The following DGUOK variants were observed in gnomAD, a reference collection of about 807,000 sequenced individuals.
DGUOK encodes deoxyguanosine kinase.
In DGUOK, 30 loss-of-function variants were observed where a neutral mutation model predicts 36.6. The ratio of observed to expected loss-of-function variants is 0.82; its 90% CI spans 0.61 to 1.11. DGUOK has a LOEUF of 1.11. Ranked by LOEUF, DGUOK falls within the 50% of genes most tolerant of loss-of-function variation. DGUOK has a pLI of 0.00. For synonymous variants in DGUOK, 145 were observed against 126.3 expected (o/e 1.15, Z -0.99); for missense variants, 361 against 336.4 (o/e 1.07, Z -0.57).
In DGUOK at chr2:73,926,914, G is replaced by C; in HGVS notation, c.4G>C (p.Ala2Pro). The C allele has an allele frequency of 8.1e-6, 13 of 1,613,384 alleles. No individual in the cohort carries two copies. Among genetic ancestry groups the C allele is most frequent in the Non-Finnish European group, 1.1e-5 (13 of 1,180,012 alleles). ...CGCTGTGTGAATCGTGGGTGGGATG[G>C]CCGCGGGCCGCCTCTTTCTAAGTCG... is the stretch of plus-strand genomic sequence containing the variant. M[A>P]AGRLFLSRLR... Residue 2 changes from alanine (A) to proline (P), a missense_variant, in exon 1 of 7, where the codon GCC (alanine) becomes CCC (proline). Physicochemically the swap from Ala to Pro is conservative, Grantham distance 27 (BLOSUM62 -1). Coordinates refer to ENST00000264093, the MANE Select transcript of DGUOK (RefSeq NM_080916.3).
intron 1 of DGUOK, among the ~76,000 whole-genome samples, chr2:73,933,297 G>A (rs1207446282): frequency 6.6e-6 from 1 of 152,182 alleles, no homozygotes; most frequent in East Asian, 1.9e-4. Flanking sequence ...CTCCATCACT[G>A]TTCTCATACT....
chr2:73,939,029 T>G lies in DGUOK; in HGVS notation c.255+7T>G. The stretch of plus-strand genomic sequence containing the variant: ...GGCTGCTGGCACCCAAAAAGTAAGT[T>G]TTTAGTTGTGGTGGGTAGTTGGCAG... On this transcript the variant is annotated splice_region_variant and intron_variant, in intron 2 of 6. Coordinates refer to ENST00000264093, the MANE Select transcript of DGUOK (RefSeq NM_080916.3). The G allele has an allele frequency of 6.2e-7, 1 of 1,601,996 alleles. No homozygotes were observed. The highest frequency in any genetic ancestry group is 8.6e-7 in the Non-Finnish European group (1 of 1,169,094).
At position 73,958,000 on chromosome 2, in the gene DGUOK, T is replaced by C. The variant is rs564135498; in HGVS notation, c.708-146T>C. 194 of 653,832 alleles carry C rather than the reference T, an allele frequency of 3.0e-4. No individual in the cohort carries two copies. In the African/African-American group the frequency reaches 3.2e-3, roughly 11 times the overall value. 40.5% of individuals were successfully genotyped at this position (653,832 alleles called of 1,614,324 possible). A position where few individuals can be genotyped will look rare whatever the true frequency, so the allele number is the denominator to read the frequency against. On this transcript the variant is annotated intron_variant, in intron 5 of 6. Coordinates refer to ENST00000264093, the MANE Select transcript of DGUOK (RefSeq NM_080916.3). ...TCCGGCCAACTTTATTGAATTTGTT[T>C]TTTTAAATGCAGTTTACATGCAGTT...
intron 2 of DGUOK, among the ~76,000 whole-genome samples, chr2:73,943,323 A>ATT (rs11306613): frequency 9.8e-5 from 14 of 142,720 alleles, no homozygotes; most frequent in Middle Eastern, 3.5e-3. Context: ...CTACTTAAAA[A>ATT]TTTTTTTTTT....
chr2:73,958,820 C>T lies in DGUOK; in HGVS notation c.*84C>T. On this transcript the variant is annotated 3_prime_UTR_variant, in exon 7 of 7. Transcript: ENST00000264093. ...ATGTTGTGTCTCCCAACCACCTTTC[C>T]ATCCCCAGCCCCTCTCATCCCTGGA... 3 of 1,158,278 alleles carry T rather than the reference C, an allele frequency of 2.6e-6. No individual in the cohort carries two copies. The highest frequency in any genetic ancestry group is 3.9e-6 in the Non-Finnish European group (3 of 763,596). The allele number at this position is 1,158,278 out of a possible 1,614,324, so 71.8% of individuals were successfully genotyped here.
intron 6 of DGUOK, 82 bp from the exon 7 acceptor site, chr2:73,958,628 G>C (rs769186048): frequency 3.4e-6 from 4 of 1,191,120 alleles, no homozygotes; most frequent in East Asian, 2.3e-5. Flanking sequence ...TCATGGGCTT[G>C]GCTGCATATG....
At chr2:73,936,376 T>C (rs1009432443) in intron 1 of DGUOK, among the ~76,000 whole-genome samples, 1 of 151,936 alleles carries the variant, frequency 6.6e-6, no homozygotes. Flanking sequence ...TTCATTGGAG[T>C]GTGGGAAGAG....
intron 1 of DGUOK, 36 bp downstream of exon 1, chr2:73,927,088 C>G (rs1312810931): frequency 6.2e-7 from 1 of 1,603,296 alleles, no homozygotes; most frequent in African/African-American, 1.3e-5. Flanking sequence ...GCCTTGGCCT[C>G]CGCCACGCAG....
At chr2:73,932,695 G>C (rs1681145172) in intron 1 of DGUOK, 3 of 1,262,300 alleles carry the variant, frequency 2.4e-6, no homozygotes, top group African/African-American at 1.5e-5. Flanking sequence ...TATGTTTAGA[G>C]GGCTTTTCTT....
In DGUOK at chr2:73,958,702, TCCCACAGGTAAACA is replaced by T; in HGVS notation, c.808-5_816del. The T allele has an allele frequency of 6.2e-7, 1 of 1,610,346 alleles. No homozygotes were observed. Among genetic ancestry groups the T allele is most frequent in the South Asian group, 1.1e-5 (1 of 90,982 alleles). ...GAAATTAAACTTCTGATTTTCTCCT[TCCCACAGGTAAACA>T]CCTTTGTAAAGAATCTGTAACCAAT... On this transcript the variant is annotated splice_acceptor_variant and splice_polypyrimidine_tract_variant and coding_sequence_variant and intron_variant, in exon 7 of 7. Coordinates refer to ENST00000264093, the MANE Select transcript of DGUOK (RefSeq NM_080916.3). LOFTEE classifies it high-confidence loss of function.
chr2:73,931,446 T>C (rs184260095), intron 1 of DGUOK, among the ~76,000 whole-genome samples: 247 of 152,236 alleles, frequency 1.6e-3, no homozygotes, highest in African/African-American at 5.8e-3. Context: ...AGCTAACACA[T>C]GCAGTTTTAA....
At position 73,933,349 on chromosome 2, in the gene DGUOK, C is replaced by A. The variant is rs144828773; in HGVS notation, c.143-5561C>A. Among the ~76,000 whole-genome samples, 4 of 152,270 alleles carry A rather than the reference C, an allele frequency of 2.6e-5. No homozygotes were observed. In the East Asian group the frequency reaches 7.7e-4, roughly 29 times the overall value. ...AGTCTCTGTCTTCAAAAGTGAGCTC[C>A]CAGTCTAGCTGGAGGGAGTGATGAG... On this transcript the variant is annotated intron_variant, in intron 1 of 6. Transcript: ENST00000264093.
intron 2 of DGUOK, among the ~76,000 whole-genome samples, chr2:73,941,736 GT>G (rs927533080): frequency 7.2e-5 from 11 of 151,876 alleles, no homozygotes; most frequent in Admixed American, 2.6e-4. Flanking sequence ...TATACTGCTT[GT>G]TTTTTAATAT....
At chr2:73,935,893 T>C (rs974685148) in intron 1 of DGUOK, among the ~76,000 whole-genome samples, 7 of 152,238 alleles carry the variant, frequency 4.6e-5, no homozygotes, top group African/African-American at 1.7e-4. Flanking sequence ...AGAATTAATG[T>C]GTTTAAATTG....
intron 1 of DGUOK, among the ~76,000 whole-genome samples, chr2:73,928,483 G>A (rs935286298): frequency 1.3e-5 from 2 of 152,216 alleles, no homozygotes; most frequent in Non-Finnish European, 2.9e-5. Flanking sequence ...TGACATCTGA[G>A]CAAAAAACTG....
intron 1 of DGUOK, 142 bp downstream of exon 1, chr2:73,927,194 CAA>C: frequency 8.8e-7 from 1 of 1,136,168 alleles, no homozygotes; most frequent in Non-Finnish European, 1.3e-6. Flanking sequence ...TTTCCCCTCG[CAA>C]AGTGCACTGT....
intron 2 of DGUOK, 54 bp downstream of exon 2, chr2:73,939,076 G>T (rs1256961575): frequency 1.7e-6 from 2 of 1,193,698 alleles, no homozygotes; most frequent in Non-Finnish European, 2.5e-6. Flanking sequence ...TAATCTAATT[G>T]TCATAATTTA....
intron 1 of DGUOK, among the ~76,000 whole-genome samples, chr2:73,936,452 G>C (rs552453570): frequency 6.6e-6 from 1 of 152,190 alleles, no homozygotes; most frequent in East Asian, 1.9e-4. Flanking sequence ...AGAGATGAGC[G>C]TGACTGTACA....
chr2:73,932,545 G>T, intron 1 of DGUOK: 1 of 1,088,396 alleles, frequency 9.2e-7, no homozygotes, highest in African/African-American at 1.6e-5. Flanking sequence ...CCCACACAGG[G>T]AATGTATTAA....
Sources: gnomAD v4.1 joint callset for allele counts (sites outside exome capture counted in the v4.1 genomes callset) on GRCh38, gnomAD v4.1.1 for gene constraint, MANE v1.5 for transcripts, NCBI Gene and HGNC (gene_info 2026-07-23, HGNC 2026-07-21) for gene names.